CCDC91: variants seen among roughly 807,000 people sequenced by gnomAD.
The protein encoded by CCDC91 is coiled-coil domain-containing protein 91.
A neutral mutation model predicts 63.2 loss-of-function variants in CCDC91; 48 were observed. That is an observed-to-expected ratio of 0.76 (90% CI 0.60 to 0.97). The LOEUF (loss-of-function observed/expected upper bound fraction) is 0.97. CCDC91 is among the 50% of genes least tolerant of loss of function. The pLI is 0.00. For synonymous variants in CCDC91, 167 were observed against 165.8 expected, an observed-to-expected ratio of 1.01 and a Z score of -0.06; for missense variants, 500 against 494.6, an observed-to-expected ratio of 1.01 and a Z score of -0.10.
chr12:28,443,581 A>G (rs1180205016), intron 8 of CCDC91, among the ~76,000 whole-genome samples: 1 of 152,078 alleles, frequency 6.6e-6, no homozygotes, highest in Admixed American at 6.5e-5. Context: ...ATGGCAGGCA[A>G]CAGAATGTTT....
At chr12:28,233,647 A>G (rs1944750819) in intron 1 of CCDC91, among the ~76,000 whole-genome samples, 2 of 152,236 alleles carry the variant, frequency 1.3e-5, no homozygotes, top group South Asian at 2.1e-4. Context: ...TAAAATCTTC[A>G]TTTATTTATT....
chr12:28,241,772 G>C (rs1945353701), intron 1 of CCDC91, among the ~76,000 whole-genome samples: 3 of 151,952 alleles, frequency 2.0e-5, no homozygotes, highest in Non-Finnish European at 2.9e-5. Flanking sequence ...GAGGCAGGCA[G>C]ATCACCTGAG....
chr12:28,453,343 A>C (rs1949906462), intron 11 of CCDC91, among the ~76,000 whole-genome samples: 1 of 151,990 alleles, frequency 6.6e-6, no homozygotes, highest in African/African-American at 2.4e-5. Flanking sequence ...AAAGCAAAAG[A>C]ATAACATTCA....
intron 12 of CCDC91, among the ~76,000 whole-genome samples, chr12:28,503,458 G>C (rs1272105720): frequency 6.6e-6 from 1 of 152,180 alleles, no homozygotes; most frequent in East Asian, 1.9e-4. Flanking sequence ...AGGATGTGGA[G>C]AAATAGGAAC....
At chr12:28,209,782 A>G (rs2135500357) in intron 1 of CCDC91, among the ~76,000 whole-genome samples, 1 of 152,086 alleles carries the variant, frequency 6.6e-6, no homozygotes, top group Middle Eastern at 3.4e-3. Context: ...AGCTTTATCT[A>G]ATTTTAAACA....
At chr12:28,427,719 C>T (rs965337826) in intron 8 of CCDC91, among the ~76,000 whole-genome samples, 3 of 152,106 alleles carry the variant, frequency 2.0e-5, no homozygotes, top group African/African-American at 7.2e-5. Flanking sequence ...TGTGACAGTT[C>T]AGATGGATAT....
chr12:28,479,270 A>G (rs1951304484), intron 11 of CCDC91, among the ~76,000 whole-genome samples: 1 of 152,208 alleles, frequency 6.6e-6, no homozygotes, highest in Admixed American at 6.5e-5. Context: ...ACACCATGGA[A>G]TACTATGCAG....
intron 3 of CCDC91, among the ~76,000 whole-genome samples, chr12:28,263,256 C>T (rs767969929): frequency 1.3e-5 from 2 of 151,934 alleles, no homozygotes; most frequent in African/African-American, 4.8e-5. Context: ...TGGTAAAACA[C>T]ATAAAACATA....
intron 6 of CCDC91, 121 bp downstream of exon 6, chr12:28,307,870 A>G: frequency 1.6e-6 from 1 of 626,190 alleles, no homozygotes; most frequent in Non-Finnish European, 2.8e-6. Flanking sequence ...TTAAATATAT[A>G]AAACTGACCA....
chr12:28,375,740 G>T (rs1015735589), intron 7 of CCDC91, among the ~76,000 whole-genome samples: 1 of 151,858 alleles, frequency 6.6e-6, no homozygotes, highest in African/African-American at 2.4e-5. Flanking sequence ...AGCAACATAA[G>T]AATTTTCCTT....
intron 1 of CCDC91, among the ~76,000 whole-genome samples, chr12:28,250,799 A>G (rs1946069026): frequency 6.6e-6 from 1 of 152,116 alleles, no homozygotes; most frequent in Non-Finnish European, 1.5e-5. Context: ...TGAATAAAGA[A>G]AGGATCCCCA....
In CCDC91 at chr12:28,304,150, G is replaced by A. The variant is rs1391555401; in HGVS notation, c.110-1499G>A. On this transcript the variant is annotated intron_variant, in intron 3 of 12. Transcript: ENST00000536442. The stretch of plus-strand genomic sequence containing the variant: ...TCCTAGCACTTTGGGAGGCCGAGGC[G>A]GGCGGATCATGAGGTCAGGAGATCG... 9.9e-5 allele frequency among the ~76,000 whole-genome samples: 15 copies of A among 151,494 alleles called. 1 individual carries two copies. Among genetic ancestry groups the A allele is most frequent in the Admixed American group, 1.3e-4 (2 of 15,202 alleles).
At chr12:28,242,621 G>A (rs1489844485) in intron 1 of CCDC91, among the ~76,000 whole-genome samples, 2 of 152,102 alleles carry the variant, frequency 1.3e-5, no homozygotes, top group African/African-American at 2.4e-5. Flanking sequence ...GAACCTGTGA[G>A]TCAAAGCCAT....
intron 6 of CCDC91, 132 bp downstream of exon 6, chr12:28,307,881 A>G: frequency 5.0e-6 from 3 of 595,640 alleles, no homozygotes; most frequent in Non-Finnish European, 8.9e-6. Context: ...AAACTGACCA[A>G]CATGGGCTAA....
chr12:28,427,224 C>CCTTTATCT (rs1209396530), intron 8 of CCDC91, among the ~76,000 whole-genome samples: 15 of 152,240 alleles, frequency 9.9e-5, no homozygotes, highest in South Asian at 8.3e-4. Flanking sequence ...ACCCCCACCT[C>CCTTTATCT]CTTTATGTGA....
intron 12 of CCDC91, among the ~76,000 whole-genome samples, chr12:28,520,749 T>G (rs999156835): frequency 2.6e-5 from 4 of 152,196 alleles, no homozygotes; most frequent in African/African-American, 4.8e-5. Context: ...AATTTTTGTA[T>G]AAGGTGTAAG....
At chr12:28,329,989 C>T (rs2137638835) in intron 6 of CCDC91, among the ~76,000 whole-genome samples, 1 of 152,234 alleles carries the variant, frequency 6.6e-6, no homozygotes, top group South Asian at 2.1e-4. Context: ...TGTATATGTG[C>T]CACATTTTCT....
At chr12:28,352,987 T>G (rs1456843184) in intron 6 of CCDC91, among the ~76,000 whole-genome samples, 1 of 152,238 alleles carries the variant, frequency 6.6e-6, no homozygotes, top group Non-Finnish European at 1.5e-5. Context: ...GAAGAATGTT[T>G]TGTCTGCATT....
chr12:28,455,663 G>A (rs762291701), intron 11 of CCDC91, among the ~76,000 whole-genome samples: 37 of 151,680 alleles, frequency 2.4e-4, no homozygotes, highest in Admixed American at 9.2e-4. Context: ...TAGCTAAAAA[G>A]GTATTTTTAT....
Sources: gnomAD v4.1 joint callset for allele counts (sites outside exome capture counted in the v4.1 genomes callset) on GRCh38, gnomAD v4.1.1 for gene constraint, MANE v1.5 for transcripts, NCBI Gene and HGNC (gene_info 2026-07-23, HGNC 2026-07-21) for gene names.